Variants in MAGI1 observed in about 807,000 individuals in gnomAD.
MAGI1 encodes membrane associated guanylate kinase, WW and PDZ domain containing 1.
A neutral mutation model predicts 139.9 loss-of-function variants in MAGI1; 58 were observed. The ratio of observed to expected loss-of-function variants is 0.41; its 90% confidence interval spans 0.34 to 0.52. The LOEUF is 0.52. Among genes scored for constraint, MAGI1 ranks in the 20% least tolerant of loss-of-function variants. The pLI, the probability that MAGI1 is intolerant of heterozygous loss-of-function variation, is 0.12. For synonymous variants in MAGI1, 812 were observed against 737.9 expected, an observed-to-expected ratio of 1.10 and a Z score of -1.63; for missense variants, 1,874 against 1,901.6, an observed-to-expected ratio of 0.99 and a Z score of 0.27.
intron 1 of MAGI1, among the ~76,000 whole-genome samples, chr3:65,839,495 C>T (rs2058735729): frequency 6.6e-6 from 1 of 151,958 alleles, no homozygotes; most frequent in Admixed American, 6.6e-5. Flanking sequence ...AATGACCGCT[C>T]CATGAGTGAC....
At chr3:65,550,771 C>G (rs1317457121) in intron 2 of MAGI1, among the ~76,000 whole-genome samples, 1 of 150,492 alleles carries the variant, frequency 6.6e-6, no homozygotes, top group Non-Finnish European at 1.5e-5. Flanking sequence ...TTGTGACCAG[C>G]TTTGACAACA....
intron 1 of MAGI1, among the ~76,000 whole-genome samples, chr3:65,980,197 A>G (rs1459667467): frequency 6.6e-6 from 1 of 152,234 alleles, no homozygotes; most frequent in East Asian, 1.9e-4. Flanking sequence ...GTGACACTGG[A>G]CAAATTACTT....
At chr3:65,775,476 T>G (rs2038310195) in intron 1 of MAGI1, among the ~76,000 whole-genome samples, 2 of 132,884 alleles carry the variant, frequency 1.5e-5, no homozygotes, top group African/African-American at 5.7e-5. Flanking sequence ...TTTTTAAGTG[T>G]TTTTTTCTCT....
At chr3:65,987,590 T>G (rs1576370173) in intron 1 of MAGI1, among the ~76,000 whole-genome samples, 3 of 152,172 alleles carry the variant, frequency 2.0e-5, no homozygotes, top group Admixed American at 2.0e-4. Flanking sequence ...CCTGCCTGCC[T>G]GCTTTTCTTT....
At chr3:65,440,265 G>T (rs972248712) in intron 8 of MAGI1, among the ~76,000 whole-genome samples, 1 of 152,124 alleles carries the variant, frequency 6.6e-6, no homozygotes, top group Non-Finnish European at 1.5e-5. Flanking sequence ...ATGCCAGGAG[G>T]TAAGTCCTAT....
intron 5 of MAGI1, among the ~76,000 whole-genome samples, chr3:65,462,480 A>C (rs1214264212): frequency 3.9e-5 from 6 of 152,060 alleles, no homozygotes; most frequent in African/African-American, 1.4e-4. Flanking sequence ...TGGTCTATAT[A>C]TCTGTTTTGC....
chr3:65,410,781 C>T (rs925828764), intron 12 of MAGI1, among the ~76,000 whole-genome samples: 2 of 152,262 alleles, frequency 1.3e-5, no homozygotes, highest in South Asian at 2.1e-4. Context: ...CAAGGCTACA[C>T]ATGCTAAAAA....
chr3:65,430,875 G>C lies in MAGI1; in HGVS notation c.1370C>G (p.Pro457Arg). 2 of 1,612,866 alleles carry C rather than the reference G, an allele frequency of 1.2e-6. No individual in the cohort carries two copies. Among genetic ancestry groups the C allele is most frequent in the Non-Finnish European group, 1.7e-6 (2 of 1,179,506 alleles). The change falls in exon 11 of 23, where the codon CCC (proline) becomes CGC (arginine). Residue 457 changes from proline (P) to arginine (R), a missense_variant. Transcript: ENST00000402939. ...PAREVPLQGK[P>R]FFTRNPSELK... ...CTCAGAAGGGTTTCGTGTAAAAAAG[G>C]GTTTGCCTGGATTAAAATAAGAAAC...
At chr3:65,566,009 A>G (rs1424062899) in intron 2 of MAGI1, among the ~76,000 whole-genome samples, 3 of 152,036 alleles carry the variant, frequency 2.0e-5, no homozygotes, top group Non-Finnish European at 4.4e-5. Context: ...TAATCCCAGC[A>G]CTTTGGGAGG....
intron 5 of MAGI1, among the ~76,000 whole-genome samples, chr3:65,455,765 A>T (rs972128950): frequency 3.9e-5 from 6 of 152,202 alleles, no homozygotes; most frequent in Admixed American, 2.0e-4. Context: ...AAATAATTTT[A>T]AAAAGAATGT....
chr3:65,385,502 T>C (rs1943376728), intron 14 of MAGI1, among the ~76,000 whole-genome samples: 3 of 152,176 alleles, frequency 2.0e-5, no homozygotes, highest in African/African-American at 7.2e-5. Flanking sequence ...TACAATGGAA[T>C]AGGGAAGAAG....
chr3:65,462,807 G>A (rs533029153), intron 5 of MAGI1, among the ~76,000 whole-genome samples: 2 of 152,188 alleles, frequency 1.3e-5, no homozygotes, highest in South Asian at 2.1e-4. Flanking sequence ...GCAGTGGTGC[G>A]TAGTTCTCCT....
At position 65,858,084 on chromosome 3, in the gene MAGI1, G is replaced by A. The variant is rs189801588; in HGVS notation, c.313+179912C>T. Among the ~76,000 whole-genome samples, 4 of 151,450 alleles carry A rather than the reference G, an allele frequency of 2.6e-5. 1 individual carries two copies. The highest frequency in any genetic ancestry group is 1.3e-4 in the Admixed American group (2 of 15,098). ...ACATTGTGCCACTGCACTCCAGCCTGGGTGACAGAGAGACACATTGTCTCA... is the reference window on the plus strand; with the variant it reads ...ACATTGTGCCACTGCACTCCAGCCTAGGTGACAGAGAGACACATTGTCTCA... On this transcript the variant is annotated intron_variant, in intron 1 of 22. Transcript: ENST00000402939.
At chr3:65,408,252 C>T (rs1031914972) in intron 12 of MAGI1, among the ~76,000 whole-genome samples, 3 of 152,048 alleles carry the variant, frequency 2.0e-5, no homozygotes, top group Non-Finnish European at 2.9e-5. Flanking sequence ...AGTAGAGGGG[C>T]CAATGGGAAG....
rs190384507 is a variant in MAGI1 at position 65,483,394 on chromosome 3, C to T, written c.551-4596G>A. 2.9e-3 allele frequency among the ~76,000 whole-genome samples: 447 copies of T among 152,332 alleles called. 1 individual carries two copies. The highest frequency in any genetic ancestry group is 6.8e-3 in the Middle Eastern group (2 of 294). On this transcript the variant is annotated intron_variant, in intron 3 of 22. Coordinates refer to ENST00000402939, the MANE Select transcript of MAGI1 (RefSeq NM_001033057.2). The stretch of plus-strand genomic sequence containing the variant: ...TGACTCTAACCTTCCAGAAAGTATT[C>T]CACCTTTGCAATGGTTTGCACTCTC...
At chr3:65,648,295 G>A (rs1164177473) in intron 1 of MAGI1, among the ~76,000 whole-genome samples, 2 of 146,574 alleles carry the variant, frequency 1.4e-5, no homozygotes, top group African/African-American at 5.4e-5. Flanking sequence ...CAGGCCGTGT[G>A]TGTGTGTGTG....
intron 1 of MAGI1, among the ~76,000 whole-genome samples, chr3:66,010,134 C>T (rs529809822): frequency 1.4e-4 from 16 of 114,444 alleles, no homozygotes; most frequent in South Asian, 3.0e-4. Flanking sequence ...AAAACAATAA[C>T]GACTAACATA....
chr3:65,845,820 C>T lies in MAGI1; in HGVS notation c.313+192176G>A, dbSNP rs114861856. On this transcript the variant is annotated intron_variant, in intron 1 of 22. Coordinates refer to ENST00000402939, the MANE Select transcript of MAGI1 (RefSeq NM_001033057.2). ...ATTTTAGAAGTTTCACAGTCTTTTA[C>T]GAAAGGTAAGTTTTGCTGTTTTGCT... Among the ~76,000 whole-genome samples the T allele has an allele frequency of 9.4e-3, 1,427 of 152,232 alleles. 23 individuals are homozygous for T. The highest frequency in any genetic ancestry group is 0.03 in the African/African-American group (1,240 of 41,530).
At chr3:65,822,789 CAG>C (rs1437753205) in intron 1 of MAGI1, among the ~76,000 whole-genome samples, 1 of 152,136 alleles carries the variant, frequency 6.6e-6, no homozygotes, top group African/African-American at 2.4e-5. Context: ...TTTAAACAAT[CAG>C]AGCTTGCGAG....
Sources: gnomAD v4.1 joint callset for allele counts (sites outside exome capture counted in the v4.1 genomes callset) on GRCh38, gnomAD v4.1.1 for gene constraint, MANE v1.5 for transcripts, NCBI Gene and HGNC (gene_info 2026-07-23, HGNC 2026-07-21) for gene names.